Variants in SDK1 observed in about 807,000 individuals in gnomAD.
The protein encoded by SDK1 is sidekick cell adhesion molecule 1.
SDK1 carries 157 observed loss-of-function variants against 245.5 expected under a neutral mutation model. The observed-to-expected ratio is 0.64, with a 90% CI of 0.56 to 0.73. The LOEUF is 0.73. Ranked by LOEUF, SDK1 falls within the 30% of genes least tolerant of loss-of-function variation. The pLI, the probability that SDK1 is intolerant of heterozygous loss-of-function variation, is 0.00. For missense variants in SDK1, 3,583 were observed against 3,002.3 expected, an observed-to-expected ratio of 1.19 and a Z score of -4.52; for synonymous variants, 1,647 against 1,278.5, an observed-to-expected ratio of 1.29 and a Z score of -6.15.
intron 1 of SDK1, among the ~76,000 whole-genome samples, chr7:3,581,071 A>AT (rs1253691457): frequency 6.6e-6 from 1 of 151,818 alleles, no homozygotes; most frequent in Non-Finnish European, 1.5e-5. Flanking sequence ...TATGATGAAG[A>AT]TGCTGAAAAC....
rs76991828 is a variant in SDK1 at position 4,262,700 on chromosome 7, C to G, written c.6382-2424C>G. 5.3e-3 allele frequency among the ~76,000 whole-genome samples: 758 copies of G among 142,312 alleles called. 7 individuals carry two copies. The highest frequency in any genetic ancestry group is 0.019 in the African/African-American group (712 of 37,774). The allele number at this position is 142,312 out of a possible 152,430, so 93.4% of individuals were successfully genotyped here. A position where few individuals can be genotyped will look rare whatever the true frequency, so the allele number is the denominator to read the frequency against. ...GAGGATGCACCCCCCAATCCTCTCCCCTCATCACCTCCCCCATCCCCTCCC... is the reference window on the plus strand; with the variant it reads ...GAGGATGCACCCCCCAATCCTCTCCGCTCATCACCTCCCCCATCCCCTCCC... On this transcript the variant is annotated intron_variant, in intron 44 of 44. Transcript: ENST00000404826.
chr7:4,213,179 C>T lies in SDK1; in HGVS notation c.5539+3017C>T, dbSNP rs1036226733. ...CTGTAATCCCAGCACTTTGGGAGGA[C>T]GAGGCAAGTGGATCACGAGGTCAGG... On this transcript the variant is annotated intron_variant, in intron 38 of 44. Transcript: ENST00000404826. 7.9e-5 allele frequency among the ~76,000 whole-genome samples: 12 copies of T among 152,194 alleles called. No homozygotes were observed. In the South Asian group the frequency reaches 1.0e-3, roughly 13 times the overall value.
At chr7:3,892,598 T>C (rs1467651990) in intron 5 of SDK1, among the ~76,000 whole-genome samples, 1 of 152,196 alleles carries the variant, frequency 6.6e-6, no homozygotes, top group Non-Finnish European at 1.5e-5. Context: ...ATACAGTCTC[T>C]CACAGGCATA....
intron 5 of SDK1, among the ~76,000 whole-genome samples, chr7:3,936,090 A>G (rs1448603908): frequency 6.6e-6 from 1 of 152,238 alleles, no homozygotes; most frequent in Admixed American, 6.5e-5. Context: ...CACATGCTGT[A>G]TCAATGAACC....
chr7:3,736,663 T>A (rs1583357101), intron 4 of SDK1, among the ~76,000 whole-genome samples: 1 of 152,172 alleles, frequency 6.6e-6, no homozygotes, highest in East Asian at 1.9e-4. Flanking sequence ...TGAGGTATAG[T>A]CATATATATG....
At chr7:4,198,852 C>T (rs1458126930) in intron 35 of SDK1, among the ~76,000 whole-genome samples, 13 of 147,704 alleles carry the variant, frequency 8.8e-5, no homozygotes, top group African/African-American at 2.8e-4. Context: ...CTTGCTTTGT[C>T]GCCCAGGCTG....
intron 1 of SDK1, among the ~76,000 whole-genome samples, chr7:3,314,974 C>G (rs1304001329): frequency 1.3e-5 from 2 of 151,924 alleles, no homozygotes; most frequent in Non-Finnish European, 2.9e-5. Flanking sequence ...ATTGGGAGTC[C>G]TAACCCACTC....
chr7:3,654,921 C>G (rs1320410635), intron 4 of SDK1, among the ~76,000 whole-genome samples: 1 of 152,094 alleles, frequency 6.6e-6, no homozygotes, highest in African/African-American at 2.4e-5. Flanking sequence ...AAGTCAGTTG[C>G]ACATAATTGC....
rs1781659707 is a variant in SDK1, at chr7:4,089,583, C to T, written c.3324+9999C>T. 7.9e-5 allele frequency among the ~76,000 whole-genome samples: 12 copies of T among 152,322 alleles called. No individual in the cohort carries two copies. In the South Asian group the frequency reaches 2.5e-3, roughly 32 times the overall value. On this transcript the variant is annotated intron_variant, in intron 22 of 44. Transcript: ENST00000404826. Reference sequence around the variant, plus strand: ...CCCTTCCCCAGGCCTGTGTTGGTTGCACACCTCCCTGGGCTGTCTCTGAGT... The same window carrying T: ...CCCTTCCCCAGGCCTGTGTTGGTTGTACACCTCCCTGGGCTGTCTCTGAGT...
chr7:4,045,776 C>T (rs781322671), intron 17 of SDK1, among the ~76,000 whole-genome samples: 74 of 152,230 alleles, frequency 4.9e-4, no homozygotes, highest in Non-Finnish European at 6.0e-4. Context: ...TTGAGTCCTT[C>T]TAATAGGGGT....
rs1033446267 is a variant in SDK1, at chr7:4,127,421, C to T, written c.3864C>T (p.Val1288=). ...CTGAGAACGTGTCAGCCGAGGCTGT[C>T]AGCTCGACCCAGATTTTACTGACAT... The part of the protein sequence containing the change: ...AAPENVSAEA[V]SSTQILLTWT... The change falls in exon 26 of 45, where the codon GTC becomes GTT. Residue 1288 remains valine, a synonymous_variant. Transcript: ENST00000404826. 1 of 1,614,202 alleles carries T rather than the reference C, an allele frequency of 6.2e-7. No individual in the cohort carries two copies. Among genetic ancestry groups the T allele is most frequent in the Non-Finnish European group, 8.5e-7 (1 of 1,180,042 alleles).
chr7:4,132,269 C>G, intron 27 of SDK1, 56 bp from the exon 28 acceptor site: 1 of 1,381,740 alleles, frequency 7.2e-7, no homozygotes. Context: ...TGTAACCTGT[C>G]ACGCACCCAA....
chr7:3,501,560 A>G (rs373186336), intron 1 of SDK1, among the ~76,000 whole-genome samples: 14 of 152,168 alleles, frequency 9.2e-5, no homozygotes, highest in Admixed American at 4.6e-4. Context: ...TGATTTAGTC[A>G]TACAACAGAA....
In SDK1 at chr7:3,429,447, A is replaced by C. The variant is rs73302316; in HGVS notation, c.298+127563A>C. 9.1e-3 allele frequency among the ~76,000 whole-genome samples: 1,382 copies of C among 152,284 alleles called. 24 individuals are homozygous for C. The highest frequency in any genetic ancestry group is 0.031 in the African/African-American group (1,302 of 41,554). ...TAAATATATAACTCCTAAATGAAAGATACCAGACCCAAACATTATGAAAAG... is the reference window on the plus strand; with the variant it reads ...TAAATATATAACTCCTAAATGAAAGCTACCAGACCCAAACATTATGAAAAG... On this transcript the variant is annotated intron_variant, in intron 1 of 44. Transcript: ENST00000404826.
chr7:3,751,999 A>G (rs1779787719), intron 4 of SDK1, among the ~76,000 whole-genome samples: 1 of 152,238 alleles, frequency 6.6e-6, no homozygotes, highest in Admixed American at 6.5e-5. Flanking sequence ...AGAGGAAACA[A>G]GCTTTCAGCC....
intron 13 of SDK1, among the ~76,000 whole-genome samples, chr7:3,980,993 C>G (rs1425131725): frequency 2.0e-5 from 3 of 152,062 alleles, no homozygotes; most frequent in African/African-American, 7.2e-5. Flanking sequence ...GAATAAGGCA[C>G]GCCATCTTCT....
intron 17 of SDK1, among the ~76,000 whole-genome samples, chr7:4,035,739 G>A (rs1788161475): frequency 6.6e-6 from 1 of 152,150 alleles, no homozygotes. Flanking sequence ...ATGATTGCAG[G>A]TCAGAAGCAG....
chr7:3,564,332 C>T (rs1473811541), intron 1 of SDK1, among the ~76,000 whole-genome samples: 1 of 151,788 alleles, frequency 6.6e-6, no homozygotes. Flanking sequence ...AAAAGAGAAG[C>T]TAAAAATAAA....
At chr7:4,164,231 A>G (rs529867915) in intron 32 of SDK1, among the ~76,000 whole-genome samples, 1 of 152,290 alleles carries the variant, frequency 6.6e-6, no homozygotes, top group African/African-American at 2.4e-5. Context: ...ACAGCCCCTG[A>G]TCTGTCTGGG....
Sources: gnomAD v4.1 joint callset for allele counts (sites outside exome capture counted in the v4.1 genomes callset) on GRCh38, gnomAD v4.1.1 for gene constraint, MANE v1.5 for transcripts, NCBI Gene and HGNC (gene_info 2026-07-23, HGNC 2026-07-21) for gene names.